The following GAS7 variants were observed in gnomAD, a reference collection of about 807,000 sequenced individuals.
GAS7 encodes the protein growth arrest specific 7.
In GAS7, 28 loss-of-function variants were observed where a neutral mutation model predicts 71.1. That is an observed-to-expected ratio of 0.39 (90% confidence interval 0.29 to 0.54). GAS7 has a LOEUF of 0.54. GAS7 is among the 20% of genes least tolerant of loss of function. The probability of loss-of-function intolerance (pLI) is 0.62; values close to 1 mark genes in which losing one functional copy is unlikely to be tolerated. For missense variants in GAS7, 436 were observed against 627.8 expected, an observed-to-expected ratio of 0.69 and a Z score of 3.27; for synonymous variants, 258 against 245.8, an observed-to-expected ratio of 1.05 and a Z score of -0.46.
At chr17:9,976,774 C>A (rs892313607) in intron 3 of GAS7, among the ~76,000 whole-genome samples, 7 of 152,170 alleles carry the variant, frequency 4.6e-5, no homozygotes, top group African/African-American at 1.4e-4. Context: ...CCCACAACCG[C>A]CCACCAGGAC....
intron 1 of GAS7, among the ~76,000 whole-genome samples, chr17:10,189,566 G>A (rs2074482268): frequency 6.6e-6 from 1 of 150,616 alleles, no homozygotes; most frequent in African/African-American, 2.5e-5. Flanking sequence ...GGCTCTCCCA[G>A]GTTTATCAAA....
At chr17:10,116,212 G>A (rs1168935239) in intron 1 of GAS7, among the ~76,000 whole-genome samples, 1 of 152,100 alleles carries the variant, frequency 6.6e-6, no homozygotes, top group Non-Finnish European at 1.5e-5. Context: ...TCAGGAGGCT[G>A]AGGCAGGAGA....
chr17:10,019,689 G>A, intron 2 of GAS7, 88 bp downstream of exon 2: 2 of 1,302,524 alleles, frequency 1.5e-6, no homozygotes, highest in Non-Finnish European at 2.1e-6. Context: ...CCCAAACAGA[G>A]AGGCGAAGAA....
At chr17:10,073,631 T>G (rs77301291) in intron 1 of GAS7, among the ~76,000 whole-genome samples, 39 of 152,324 alleles carry the variant, frequency 2.6e-4, no homozygotes, top group Non-Finnish European at 4.4e-4. Context: ...AGGTGAATCG[T>G]GCGCACATTA....
chr17:10,133,257 G>A (rs2074013482), intron 1 of GAS7, among the ~76,000 whole-genome samples: 1 of 151,852 alleles, frequency 6.6e-6, no homozygotes, highest in African/African-American at 2.4e-5. Flanking sequence ...CAAGTAGCCA[G>A]GATTATAGGC....
At chr17:9,934,606 C>T (rs1450271619) in intron 8 of GAS7, among the ~76,000 whole-genome samples, 1 of 152,162 alleles carries the variant, frequency 6.6e-6, no homozygotes, top group Non-Finnish European at 1.5e-5. Flanking sequence ...AGGGCCTTGA[C>T]CCCTGGGCCG....
intron 1 of GAS7, chr17:10,039,662 G>A (rs965779169): frequency 2.3e-5 from 10 of 442,446 alleles, no homozygotes; most frequent in African/African-American, 6.1e-5. Flanking sequence ...CAACCTGGAC[G>A]TCAGAGTGAG....
At chr17:10,007,785 GT>G (rs1262310246) in intron 2 of GAS7, among the ~76,000 whole-genome samples, 2 of 151,710 alleles carry the variant, frequency 1.3e-5, no homozygotes, top group Non-Finnish European at 2.9e-5. Flanking sequence ...TAATATAATG[GT>G]TTTTGGTGTA....
At chr17:9,948,986 G>A (rs2068897330) in intron 5 of GAS7, among the ~76,000 whole-genome samples, 2 of 152,184 alleles carry the variant, frequency 1.3e-5, no homozygotes, top group East Asian at 1.9e-4. Flanking sequence ...CAGCCCTGAG[G>A]TTTTGGGCCC....
At chr17:9,993,050 T>C (rs1285178274) in intron 2 of GAS7, among the ~76,000 whole-genome samples, 3 of 152,114 alleles carry the variant, frequency 2.0e-5, no homozygotes, top group Non-Finnish European at 4.4e-5. Flanking sequence ...TTGTGAATAA[T>C]GCCGCAATAA....
At chr17:10,002,489 C>T (rs1037839887) in intron 2 of GAS7, among the ~76,000 whole-genome samples, 1 of 151,970 alleles carries the variant, frequency 6.6e-6, no homozygotes, top group Non-Finnish European at 1.5e-5. Flanking sequence ...TATACATGTG[C>T]CATGTTGGTG....
At chr17:10,159,729 T>C (rs984108184) in intron 1 of GAS7, among the ~76,000 whole-genome samples, 1 of 152,028 alleles carries the variant, frequency 6.6e-6, no homozygotes, top group Non-Finnish European at 1.5e-5. Flanking sequence ...TAGATGCTCA[T>C]TACAAGAGTG....
intron 1 of GAS7, among the ~76,000 whole-genome samples, chr17:10,046,787 AG>A (rs200532737): frequency 4.5e-4 from 16 of 35,880 alleles, no homozygotes; most frequent in South Asian, 2.1e-3. Context: ...AAAGAAAGAA[AG>A]GAAGGAAGGA....
intron 2 of GAS7, among the ~76,000 whole-genome samples, chr17:10,018,123 C>T (rs747859367): frequency 8.5e-5 from 13 of 152,168 alleles, no homozygotes; most frequent in Non-Finnish European, 1.9e-4. Context: ...TAAAGGACAA[C>T]ATAGACAATA....
intron 2 of GAS7, among the ~76,000 whole-genome samples, chr17:9,994,442 A>G: frequency 6.9e-6 from 1 of 145,014 alleles, no homozygotes; most frequent in East Asian, 1.9e-4. Flanking sequence ...AGGATTCCCT[A>G]TTTAATAAAT....
intron 1 of GAS7, among the ~76,000 whole-genome samples, chr17:10,181,140 T>A (rs980818559): frequency 3.3e-5 from 5 of 150,210 alleles, no homozygotes; most frequent in Non-Finnish European, 5.9e-5. Context: ...GGCGGGCACA[T>A]CACGAGGTCA....
At position 9,940,041 on chromosome 17, in the gene GAS7, T is replaced by G. The variant is rs929048367; in HGVS notation, c.806+85A>C. ...GAGCTCCCCATCCAAAGTGGGGCCA[T>G]GCCAGTGATCAGTGATAGTGGCTGA... On this transcript the variant is annotated intron_variant, in intron 8 of 13. Transcript: ENST00000432992. 3.8e-5 allele frequency: 32 copies of G among 841,552 alleles called. No individual in the cohort carries two copies. The Middle Eastern group carries it at 8.1e-4, about 21-fold the overall frequency. 52.1% of individuals were successfully genotyped at this position (841,552 alleles called of 1,614,324 possible). A position where few individuals can be genotyped will look rare whatever the true frequency, so the allele number is the denominator to read the frequency against.
chr17:10,137,387 C>A (rs1260676313), intron 1 of GAS7, among the ~76,000 whole-genome samples: 1 of 152,020 alleles, frequency 6.6e-6, no homozygotes, highest in African/African-American at 2.4e-5. Context: ...CCCTCTCCCC[C>A]ACTTTATTTA....
In GAS7 at chr17:10,036,419, A is replaced by C. The variant is rs1287381768; in HGVS notation, c.184-16522T>G. 7.5e-6 allele frequency: 12 copies of C among 1,604,222 alleles called. No individual in the cohort carries two copies. The South Asian group carries it at 1.1e-4, about 15-fold the overall frequency. On this transcript the variant is annotated intron_variant, in intron 1 of 13. Coordinates refer to ENST00000432992, the MANE Select transcript of GAS7 (RefSeq NM_201433.2). ...CTGGAGCATACATCTGCAGGCAAGAAAAATCAATTCTTACCATCAGAGAAC... is the reference window on the plus strand; with the variant it reads ...CTGGAGCATACATCTGCAGGCAAGACAAATCAATTCTTACCATCAGAGAAC...
Sources: allele counts gnomAD v4.1 joint callset (sites outside exome capture counted in the v4.1 genomes callset), GRCh38; gene constraint gnomAD v4.1.1; transcripts MANE v1.5; gene names NCBI Gene and HGNC (gene_info 2026-07-23, HGNC 2026-07-21).